UPRT: variants seen among roughly 807,000 people sequenced by gnomAD.
The protein encoded by UPRT is uracil phosphoribosyltransferase homolog.
A neutral mutation model predicts 22.6 loss-of-function variants in UPRT; 5 were observed. The ratio of observed to expected loss-of-function variants is 0.22; its 90% CI spans 0.12 to 0.47. The LOEUF (loss-of-function observed/expected upper bound fraction) is 0.47, where lower values mean the gene tolerates loss of function less well. Among genes scored for constraint, UPRT ranks in the 20% least tolerant of loss-of-function variants. The probability of loss-of-function intolerance (pLI) is 0.99; values close to 1 mark genes in which losing one functional copy is unlikely to be tolerated. For missense variants in UPRT, 181 were observed against 239.9 expected, an observed-to-expected ratio of 0.75 and a Z score of 1.62; for synonymous variants, 77 against 87.7, an observed-to-expected ratio of 0.88 and a Z score of 0.68.
At chrX:75,270,801 T>A (rs1192482495), upstream of UPRT, among the ~76,000 whole-genome samples, 1 of 111,207 alleles carries the variant, frequency 9.0e-6, no homozygotes, top group Non-Finnish European at 1.9e-5. Context: ...AACTACGTAA[T>A]GTAGGCGATG....
intron 4 of UPRT, among the ~76,000 whole-genome samples, chrX:75,187,813 A>G (rs1045336825): frequency 1.3e-4 from 14 of 111,948 alleles, no homozygotes; most frequent in African/African-American, 4.2e-4. Context: ...AGTTGACCGC[A>G]TCAGCTCCTG....
intron 4 of UPRT, among the ~76,000 whole-genome samples, chrX:75,177,057 C>T (rs181526340): frequency 1.5e-4 from 17 of 111,193 alleles, no homozygotes; most frequent in Non-Finnish European, 2.6e-4. Context: ...AAGACAAAAC[C>T]GCCCATGGTT....
intron 4 of UPRT, among the ~76,000 whole-genome samples, chrX:75,252,899 G>A (rs1242075123): frequency 8.9e-6 from 1 of 111,875 alleles, no homozygotes; most frequent in African/African-American, 3.3e-5. Flanking sequence ...TTAGGGAGAT[G>A]GATGAAGCGG....
chrX:75,245,608 G>T (rs1420547122), intron 4 of UPRT, among the ~76,000 whole-genome samples: 3 of 112,259 alleles, frequency 2.7e-5, no homozygotes, highest in Non-Finnish European at 5.6e-5. Context: ...ATACTGTGCA[G>T]CCATAAAAAA....
At chrX:75,275,125 C>T (rs192754656) in intron 1 of UPRT, among the ~76,000 whole-genome samples, 2 of 111,701 alleles carry the variant, frequency 1.8e-5, no homozygotes, top group African/African-American at 6.5e-5. Flanking sequence ...GTATTTGCTA[C>T]TGCAAACAAG....
intron 4 of UPRT, among the ~76,000 whole-genome samples, chrX:75,232,918 A>G (rs961460534): frequency 6.2e-5 from 7 of 112,530 alleles, no homozygotes; most frequent in African/African-American, 2.3e-4. Context: ...CACCAGCAAC[A>G]GAACAAAGCT....
At chrX:75,267,648 T>A (rs889832656) in intron 4 of UPRT, among the ~76,000 whole-genome samples, 1 of 112,002 alleles carries the variant, frequency 8.9e-6, no homozygotes, top group Non-Finnish European at 1.9e-5. Flanking sequence ...AACAACCTCC[T>A]CCTGAATGAC....
chrX:75,251,360 A>G (rs1407939502), intron 4 of UPRT, among the ~76,000 whole-genome samples: 1 of 112,054 alleles, frequency 8.9e-6, no homozygotes, highest in African/African-American at 3.2e-5. Flanking sequence ...CAACTTCAGC[A>G]AAGTCTCAGG....
chrX:75,199,691 C>G (rs2082342401), intron 4 of UPRT, among the ~76,000 whole-genome samples: 1 of 111,420 alleles, frequency 9.0e-6, no homozygotes, highest in Admixed American at 9.5e-5. Context: ...AGCTCAGCCA[C>G]AGGGGTGTAG....
intron 4 of UPRT, among the ~76,000 whole-genome samples, chrX:75,243,418 A>G (rs1209099582): frequency 8.9e-6 from 1 of 111,837 alleles, no homozygotes; most frequent in Non-Finnish European, 1.9e-5. Context: ...ATGTTTAACC[A>G]TGTACAAGTC....
At chrX:75,238,745 A>G (rs1474024167) in intron 4 of UPRT, among the ~76,000 whole-genome samples, 2 of 112,160 alleles carry the variant, frequency 1.8e-5, no homozygotes, top group African/African-American at 3.2e-5. Context: ...ATTTAAGAAA[A>G]TCAAAATTAT....
At chrX:75,246,471 A>G (rs2082506793) in intron 4 of UPRT, among the ~76,000 whole-genome samples, 1 of 110,013 alleles carries the variant, frequency 9.1e-6, no homozygotes, top group Non-Finnish European at 1.9e-5. Context: ...TCCATGGTGT[A>G]TATGTGCCAC....
chrX:75,180,681 GTTTTTTTTTTTTTGTTTTTTTT>G (rs2082266513), intron 4 of UPRT, among the ~76,000 whole-genome samples: 1 of 43,905 alleles, frequency 2.3e-5, no homozygotes, highest in African/African-American at 9.2e-5. Flanking sequence ...CCTTTTCTCT[GTTTTTTTTTTTTTGTTTTTTTT>G]TTTTTTTTTT....
intron 4 of UPRT, among the ~76,000 whole-genome samples, chrX:75,226,571 C>A (rs768423379): frequency 3.7e-4 from 41 of 111,297 alleles, no homozygotes; most frequent in Non-Finnish European, 3.2e-4. Context: ...TATCTCAGAA[C>A]CTTTGCACGT....
At chrX:75,225,551 T>G (rs914550864) in intron 4 of UPRT, among the ~76,000 whole-genome samples, 2 of 111,597 alleles carry the variant, frequency 1.8e-5, no homozygotes, top group African/African-American at 6.5e-5. Context: ...GGAGTGAAGT[T>G]TCTACCTTGC....
Position 75,299,787 on chromosome X carries a change from A to G in UPRT, c.615A>G (p.Gly205=). 6 of 1,211,342 alleles carry G rather than the reference A, an allele frequency of 5.0e-6. No homozygotes were observed. The highest frequency in any genetic ancestry group is 1.8e-5 in the South Asian group (1 of 56,924). Reference sequence around the variant, plus strand: ...ACTGCTGTCGATCCATACGAATTGGAAAGATCCTGATTCAGAGTGATGAGG... The same window carrying G: ...ACTGCTGTCGATCCATACGAATTGGGAAGATCCTGATTCAGAGTGATGAGG... ...LRDCCRSIRI[G]KILIQSDEET... The change falls in exon 5 of 7, where the codon GGA becomes GGG. Residue 205 remains glycine (G), a synonymous_variant. Transcript: ENST00000373383.
At chrX:75,285,882 A>C (rs61504584) in intron 1 of UPRT, among the ~76,000 whole-genome samples, 1,966 of 111,220 alleles carry the variant, frequency 0.018, 49 homozygotes, top group African/African-American at 0.061. Context: ...CTTTTGGTTA[A>C]ATTTGCTCCA....
intron 4 of UPRT, among the ~76,000 whole-genome samples, chrX:75,259,424 A>AT (rs2082560543): frequency 9.2e-6 from 1 of 108,871 alleles, no homozygotes; most frequent in African/African-American, 3.3e-5. Flanking sequence ...AAATGACCGG[A>AT]TGGAGCTCAG....
chrX:75,253,372 A>G (rs544082168), intron 4 of UPRT, among the ~76,000 whole-genome samples: 1 of 112,260 alleles, frequency 8.9e-6, no homozygotes, highest in African/African-American at 3.2e-5. Context: ...AGCATCTCCA[A>G]CAAGTAAGAA....
Sources: allele counts gnomAD v4.1 joint callset (sites outside exome capture counted in the v4.1 genomes callset), GRCh38; gene constraint gnomAD v4.1.1; transcripts MANE v1.5; gene names NCBI Gene and HGNC (gene_info 2026-07-23, HGNC 2026-07-21).